The following DNAH1 variants were observed in gnomAD, a reference collection of about 807,000 sequenced individuals.
The protein encoded by DNAH1 is axonemal beta dynein heavy chain 1.
A neutral mutation model predicts 484.3 loss-of-function variants in DNAH1; 327 were observed. The observed-to-expected ratio is 0.68, with a 90% confidence interval of 0.62 to 0.74. DNAH1 has a LOEUF of 0.74. Among genes scored for constraint, DNAH1 ranks in the 30% least tolerant of loss-of-function variants. DNAH1 has a pLI of 0.00. For synonymous variants in DNAH1, 2,192 were observed against 2,191.9 expected, an observed-to-expected ratio of 1.00 and a Z score of 0.00; for missense variants, 5,052 against 5,546.8, an observed-to-expected ratio of 0.91 and a Z score of 2.83.
At chr3:52,378,951 T>A (rs1168978562) in intron 47 of DNAH1, among the ~76,000 whole-genome samples, 171 bp downstream of exon 47, 1 of 152,186 alleles carries the variant, frequency 6.6e-6, no homozygotes, top group Non-Finnish European at 1.5e-5. Flanking sequence ...CCCAGTCTTG[T>A]TAGTTGAACC....
intron 75 of DNAH1, 141 bp from the exon 76 acceptor site, chr3:52,398,709 C>T: frequency 1.5e-6 from 1 of 680,672 alleles, no homozygotes; most frequent in Non-Finnish European, 2.3e-6. Flanking sequence ...GGGATTTGTA[C>T]CCAGGCCACC....
rs1292201740 is a variant in DNAH1 at position 52,395,689 on chromosome 3, C to T, written c.11259+11C>T. On this transcript the variant is annotated intron_variant, in intron 70 of 77. Coordinates refer to ENST00000420323, the MANE Select transcript of DNAH1 (RefSeq NM_015512.5). The surrounding 1 kb of genome is among the most constrained non-coding windows in gnomAD (Gnocchi z 4.4). ...ATCAACCCCGACAAGGTGTGTTGCC[C>T]TGCCCATCACAGACCCAGTGGGGCC... 3 of 1,611,282 alleles carry T rather than the reference C, an allele frequency of 1.9e-6. No individual in the cohort carries two copies. The highest frequency in any genetic ancestry group is 1.7e-5 in the Admixed American group (1 of 59,696).
In DNAH1 at chr3:52,371,884, C is replaced by T. The variant is rs371764391; in HGVS notation, c.6526-62C>T. On this transcript the variant is annotated intron_variant, in intron 41 of 77. Coordinates refer to ENST00000420323, the MANE Select transcript of DNAH1 (RefSeq NM_015512.5). ...GCCCTTCTGCACTTGGCCATGGGGCCGCAGCCAGGAGTGGGGCAGGGAGGG... is the reference window on the plus strand; with the variant it reads ...GCCCTTCTGCACTTGGCCATGGGGCTGCAGCCAGGAGTGGGGCAGGGAGGG... The T allele has an allele frequency of 4.0e-5, 64 of 1,585,992 alleles. 1 individual carries two copies. Among genetic ancestry groups the T allele is most frequent in the Admixed American group, 1.4e-4 (8 of 58,226 alleles).
At chr3:52,339,282 T>C (rs1489483688) in intron 8 of DNAH1, among the ~76,000 whole-genome samples, 1 of 152,150 alleles carries the variant, frequency 6.6e-6, no homozygotes, top group African/African-American at 2.4e-5. Context: ...ATTTTTATTC[T>C]CTTGGTTATA....
rs1474123284 is a variant in DNAH1, at chr3:52,345,571, A to G, written c.1521A>G (p.Pro507=). ...DFTFVSLLTR[P]EVITALSKVR... is the part of the protein sequence containing the mutation. ...CTTTCGTGTCCCTGCTCACACGGCC[A>G]GAGGTCATCACGGCCCTCAGCAAGG... The change falls in exon 10 of 78, where the codon CCA becomes CCG. Residue 507 remains proline, a synonymous_variant. Coordinates refer to ENST00000420323, the MANE Select transcript of DNAH1 (RefSeq NM_015512.5). 6.2e-7 allele frequency: 1 copy of G among 1,600,230 alleles called. No individual in the cohort carries two copies. Among genetic ancestry groups the G allele is most frequent in the Non-Finnish European group, 8.5e-7 (1 of 1,173,146 alleles).
At chr3:52,339,804 CTGTGTGTG>C (rs59262545) in intron 8 of DNAH1, among the ~76,000 whole-genome samples, 2 of 146,536 alleles carry the variant, frequency 1.4e-5, no homozygotes, top group South Asian at 2.2e-4. Flanking sequence ...GTGTGTGTGT[CTGTGTGTG>C]TGTGTGTGTG....
At chr3:52,315,475 T>C (rs1700919858), upstream of DNAH1, among the ~76,000 whole-genome samples, 1 of 152,230 alleles carries the variant, frequency 6.6e-6, no homozygotes, top group Non-Finnish European at 1.5e-5. Context: ...TCAGACTCCA[T>C]GCTGGAAAGG....
intron 46 of DNAH1, among the ~76,000 whole-genome samples, chr3:52,376,304 C>T (rs761117666): frequency 1.7e-4 from 26 of 152,242 alleles, no homozygotes; most frequent in Admixed American, 3.9e-4. Flanking sequence ...AGAATCAGAA[C>T]TCCAGGGAGC....
Position 52,370,962 on chromosome 3 carries a change from C to T in DNAH1, c.6525+137C>T. ...CTCAGGCAGCGGTTATTTGCATCAT[C>T]TCATGAATCCTCATGGCCCTGTAGA... On this transcript the variant is annotated intron_variant, in intron 41 of 77. Coordinates refer to ENST00000420323, the MANE Select transcript of DNAH1 (RefSeq NM_015512.5). The T allele has an allele frequency of 4.0e-6, 3 of 754,162 alleles. No individual in the cohort carries two copies. The East Asian group carries it at 8.1e-5, about 20-fold the overall frequency. 46.7% of individuals were successfully genotyped at this position (754,162 alleles called of 1,614,324 possible).
intron 8 of DNAH1, among the ~76,000 whole-genome samples, chr3:52,342,452 G>C (rs1271612169): frequency 6.6e-6 from 1 of 152,244 alleles, no homozygotes; most frequent in African/African-American, 2.4e-5. Flanking sequence ...AGATCATGAT[G>C]GTGGCTTGAA....
intron 8 of DNAH1, among the ~76,000 whole-genome samples, chr3:52,332,693 C>T (rs961171570): frequency 1.3e-5 from 2 of 152,176 alleles, no homozygotes; most frequent in Admixed American, 1.3e-4. Context: ...ACTTTTCAAG[C>T]TAATTCCTGT....
At chr3:52,374,878 A>G in intron 44 of DNAH1, 2 of 1,077,700 alleles carry the variant, frequency 1.9e-6, no homozygotes, top group Non-Finnish European at 2.8e-6. Context: ...GCCAAAGCCA[A>G]TCCCCAGGTA....
rs1047769283 is a variant in DNAH1 at position 52,353,490 on chromosome 3, A to T, written c.3337A>T (p.Thr1113Ser). The change falls in exon 20 of 78, where the codon ACA (threonine) becomes TCA (serine). Residue 1113 changes from threonine (T) to serine (S), a missense_variant. Thr to Ser is a moderately conservative substitution (Grantham distance 58). Coordinates refer to ENST00000420323, the MANE Select transcript of DNAH1 (RefSeq NM_015512.5). The surrounding 1 kb of genome is among the most constrained non-coding windows in gnomAD (Gnocchi z 5.0). ...TGGCATGCGGATCCGGCACTGGGAG[A>T]CACTGTCCAACCAGATCAACATCAA... is the stretch of plus-strand genomic sequence containing the variant. ...NPGMRIRHWETLSNQININVR... is the reference protein window; with the variant it reads ...NPGMRIRHWESLSNQININVR... 6.2e-6 allele frequency: 10 copies of T among 1,613,780 alleles called. No homozygotes were observed. The highest frequency in any genetic ancestry group is 2.2e-5 in the South Asian group (2 of 91,088).
intron 36 of DNAH1, 66 bp downstream of exon 36, chr3:52,366,953 G>A: frequency 1.3e-6 from 2 of 1,543,116 alleles, no homozygotes; most frequent in Non-Finnish European, 1.8e-6. Flanking sequence ...GTGGGCTGCG[G>A]TCACCCCTCC....
rs1321001805 is a variant in DNAH1 at position 52,395,712 on chromosome 3, G to A, written c.11259+34G>A. The A allele has an allele frequency of 1.2e-6, 2 of 1,601,056 alleles. No homozygotes were observed. Among genetic ancestry groups the A allele is most frequent in the Non-Finnish European group, 1.7e-6 (2 of 1,173,386 alleles). ...CCCTGCCCATCACAGACCCAGTGGG[G>A]CCGCCTCTGCATCCATCAGGGACTA... is the stretch of plus-strand genomic sequence containing the variant. On this transcript the variant is annotated intron_variant, in intron 70 of 77. Transcript: ENST00000420323. The surrounding 1 kb of genome is among the most constrained non-coding windows in gnomAD (Gnocchi z 4.4).
chr3:52,384,198 GCAGAGCCA>G (rs1325438323), intron 52 of DNAH1, among the ~76,000 whole-genome samples, 167 bp downstream of exon 52: 2 of 152,224 alleles, frequency 1.3e-5, no homozygotes, highest in Non-Finnish European at 1.5e-5. Flanking sequence ...CTGTAAATGC[GCAGAGCCA>G]CAGGTCATCA....
In DNAH1 at chr3:52,397,762, G is replaced by A; in HGVS notation, c.11843G>A (p.Gly3948Asp). The change falls in exon 74 of 78, where the codon GGC becomes GAC. Residue 3948 changes from glycine to aspartate, a missense_variant. By Grantham distance (94) the Gly-to-Asp change is moderately conservative. Coordinates refer to ENST00000420323, the MANE Select transcript of DNAH1 (RefSeq NM_015512.5). Reference sequence around the variant, plus strand: ...CTCAATGATATGCCTGAGATCTTTGGCCTGCATGACAATGCCAACATCACC... The same window carrying A: ...CTCAATGATATGCCTGAGATCTTTGACCTGCATGACAATGCCAACATCACC... ...LPLNDMPEIF[G>D]LHDNANITFA... is the part of the protein sequence containing the mutation. 6.2e-7 allele frequency: 1 copy of A among 1,613,772 alleles called. No homozygotes were observed. The highest frequency in any genetic ancestry group is 8.5e-7 in the Non-Finnish European group (1 of 1,179,746).
intron 60 of DNAH1, among the ~76,000 whole-genome samples, chr3:52,390,726 T>C (rs1704333890): frequency 1.3e-5 from 2 of 152,128 alleles, no homozygotes; most frequent in Non-Finnish European, 2.9e-5. Context: ...GGCTGTGCCA[T>C]GGTTAGGTAT....
In DNAH1 at chr3:52,348,968, A is replaced by G; in HGVS notation, c.2187A>G (p.Leu729=). Residue 729 remains leucine, a synonymous_variant, in exon 13 of 78, where the codon CTA becomes CTG. Transcript: ENST00000420323. ...TTCATGAGCCACTGGTGGAAGAGCT[A>G]CGGGCCACCATTGCCAGTGCCGTGT... The part of the protein sequence containing the change: ...VGLHEPLVEE[L]RATIASAVSK... 1 of 1,613,526 alleles carries G rather than the reference A, an allele frequency of 6.2e-7. No homozygotes were observed. The highest frequency in any genetic ancestry group is 8.5e-7 in the Non-Finnish European group (1 of 1,179,890).
Sources: gnomAD v4.1 joint callset for allele counts (sites outside exome capture counted in the v4.1 genomes callset) on GRCh38, gnomAD v4.1.1 for gene constraint, Gnocchi (gnomAD v3.1) non-coding constraint, MANE v1.5 for transcripts, NCBI Gene and HGNC (gene_info 2026-07-23, HGNC 2026-07-21) for gene names.